Variants in SLC2A13 observed in about 807,000 individuals in gnomAD.
SLC2A13 encodes proton myo-inositol cotransporter.
In SLC2A13, 32 loss-of-function variants were observed where a neutral mutation model predicts 64.4. The observed-to-expected ratio is 0.50, with a 90% CI of 0.37 to 0.67. The LOEUF is 0.67. Among genes scored for constraint, SLC2A13 ranks in the 30% least tolerant of loss-of-function variants. SLC2A13 has a pLI of 0.00. For missense variants in SLC2A13, 743 were observed against 829.2 expected (o/e 0.90, Z 1.28); for synonymous variants, 338 against 327.1 (o/e 1.03, Z -0.36).
chr12:39,830,592 G>T, intron 6 of SLC2A13: 1 of 534,880 alleles, frequency 1.9e-6, no homozygotes, highest in Non-Finnish European at 2.4e-6. Context: ...AGCCCTGACT[G>T]GTTCCAAGTT....
chr12:39,891,379 T>C (rs1317634342), intron 4 of SLC2A13, among the ~76,000 whole-genome samples: 3 of 151,910 alleles, frequency 2.0e-5, no homozygotes, highest in Non-Finnish European at 4.4e-5. Context: ...ATTCCTATCC[T>C]TTCACAGAGG....
At chr12:39,984,683 T>G (rs1332484628) in intron 3 of SLC2A13, among the ~76,000 whole-genome samples, 2 of 152,248 alleles carry the variant, frequency 1.3e-5, no homozygotes, top group African/African-American at 4.8e-5. Context: ...TCTTTGATGA[T>G]GTTACTTAAA....
intron 4 of SLC2A13, among the ~76,000 whole-genome samples, chr12:39,926,000 T>A (rs940341556): frequency 6.6e-6 from 1 of 152,188 alleles, no homozygotes; most frequent in Non-Finnish European, 1.5e-5. Context: ...TGACAGATAG[T>A]AAAATAAAAA....
Position 39,756,109 on chromosome 12 carries a change from A to G in SLC2A13, c.*3917T>C, listed in dbSNP as rs1939963606. On this transcript the variant is annotated 3_prime_UTR_variant, in exon 10 of 10. Transcript: ENST00000280871. The stretch of plus-strand genomic sequence containing the variant: ...AACCATTTCATCAAATTGGCTTTAC[A>G]TTATTGTACATGAGGCCAAGAAGAT... The G allele has an allele frequency of 6.6e-6, 1 of 151,996 alleles. No individual in the cohort carries two copies. Among genetic ancestry groups the G allele is most frequent in the Admixed American group, 6.6e-5 (1 of 15,202 alleles). 9.4% of individuals were successfully genotyped at this position (151,996 alleles called of 1,614,324 possible). A position where few individuals can be genotyped will look rare whatever the true frequency, so the allele number is the denominator to read the frequency against.
intron 2 of SLC2A13, among the ~76,000 whole-genome samples, chr12:40,029,849 T>C (rs1947877457): frequency 6.6e-6 from 1 of 152,216 alleles, no homozygotes; most frequent in Admixed American, 6.5e-5. Context: ...CTTTAGGCCA[T>C]GGATTGTGAT....
chr12:39,830,541 T>C, intron 6 of SLC2A13: 1 of 1,015,526 alleles, frequency 9.8e-7, no homozygotes, highest in Non-Finnish European at 1.2e-6. Context: ...CCTAAACCAC[T>C]GAGATTTGTT....
At chr12:39,984,253 G>A (rs909652573) in intron 3 of SLC2A13, among the ~76,000 whole-genome samples, 7 of 151,632 alleles carry the variant, frequency 4.6e-5, no homozygotes, top group Admixed American at 3.9e-4. Context: ...TGGGTGCAGT[G>A]CACCAGCACA....
intron 3 of SLC2A13, among the ~76,000 whole-genome samples, chr12:40,014,124 T>C (rs1395826983): frequency 6.6e-6 from 1 of 152,188 alleles, no homozygotes; most frequent in Non-Finnish European, 1.5e-5. Flanking sequence ...GTACACCACA[T>C]TACTTTTAGT....
chr12:39,778,602 GTTA>G (rs1308552539), intron 7 of SLC2A13, among the ~76,000 whole-genome samples: 3 of 152,092 alleles, frequency 2.0e-5, no homozygotes, highest in African/African-American at 7.2e-5. Flanking sequence ...TCATTAAATA[GTTA>G]TTATTAACGT....
chr12:40,068,330 T>C (rs1046660623), intron 1 of SLC2A13: 1 of 410,754 alleles, frequency 2.4e-6, no homozygotes, highest in South Asian at 1.8e-5. Flanking sequence ...GTCTGTAGTA[T>C]TTTCCACATG....
rs372828277 is a variant in SLC2A13, at chr12:40,098,148, CAT to C, written c.556+7103_556+7104del. Among the ~76,000 whole-genome samples, 19 of 151,874 alleles carry C rather than the reference CAT, an allele frequency of 1.3e-4. No individual in the cohort carries two copies. The South Asian group carries it at 4.0e-3, about 32-fold the overall frequency. ...ATAGGTGTGTATATATATACACACA[CAT>C]ATACACAATGGAATATTATGCAGCC... On this transcript the variant is annotated intron_variant, in intron 1 of 9. Transcript: ENST00000280871.
At chr12:40,059,219 G>C (rs1409476697) in intron 1 of SLC2A13, among the ~76,000 whole-genome samples, 2 of 152,054 alleles carry the variant, frequency 1.3e-5, no homozygotes, top group Non-Finnish European at 2.9e-5. Context: ...CTTTTTATTA[G>C]ATTTTTACAA....
chr12:39,940,646 A>AT (rs113767773), intron 4 of SLC2A13, among the ~76,000 whole-genome samples: 16,095 of 151,334 alleles, frequency 0.11, 892 homozygotes, highest in East Asian at 0.2. Context: ...GATGGCTGTG[A>AT]TTTTTTTTTA....
intron 5 of SLC2A13, among the ~76,000 whole-genome samples, chr12:39,865,981 G>A (rs1265576228): frequency 6.6e-6 from 1 of 152,172 alleles, no homozygotes; most frequent in African/African-American, 2.4e-5. Context: ...TCTGAGATAT[G>A]TGTTAACTTA....
intron 7 of SLC2A13, among the ~76,000 whole-genome samples, chr12:39,792,939 G>T (rs914974049): frequency 1.3e-5 from 2 of 152,098 alleles, no homozygotes; most frequent in African/African-American, 4.8e-5. Context: ...GTGAACCAAA[G>T]TTATGAACTT....
chr12:39,841,339 G>A (rs1943171947), intron 6 of SLC2A13, among the ~76,000 whole-genome samples: 1 of 152,068 alleles, frequency 6.6e-6, no homozygotes. Context: ...TCCTTTTAAT[G>A]AATTATTGGG....
In SLC2A13 at chr12:40,105,584, G is replaced by A. The variant is rs760884647; in HGVS notation, c.225C>T (p.Asp75=). 5 of 1,553,554 alleles carry A rather than the reference G, an allele frequency of 3.2e-6. No individual in the cohort carries two copies. The Admixed American group carries it at 7.7e-5, about 24-fold the overall frequency. The change falls in exon 1 of 10, where the codon GAC becomes GAT. Residue 75 remains aspartate (D), a synonymous_variant. Coordinates refer to ENST00000280871, the MANE Select transcript of SLC2A13 (RefSeq NM_052885.4). The surrounding 1 kb of genome is among the most constrained non-coding windows in gnomAD (Gnocchi z 4.2). The stretch of plus-strand genomic sequence containing the variant: ...CCACGTACACGAAGGCGGGGGTCTC[G>A]TCCTGCTGGAACTGCCGCCGCGCCG... ...ERAARRQFQQ[D]ETPAFVYVVA...
intron 4 of SLC2A13, among the ~76,000 whole-genome samples, chr12:39,900,426 T>C (rs1244987460): frequency 6.6e-6 from 1 of 152,138 alleles, no homozygotes; most frequent in Non-Finnish European, 1.5e-5. Flanking sequence ...CATGATCGTA[T>C]ATCTAGAAAA....
chr12:39,941,964 G>T (rs554318243), intron 4 of SLC2A13, among the ~76,000 whole-genome samples: 2 of 152,134 alleles, frequency 1.3e-5, no homozygotes, highest in Non-Finnish European at 2.9e-5. Flanking sequence ...TGTTGAAAAG[G>T]ATGTCCTTTC....
Sources: gnomAD v4.1 joint callset for allele counts (sites outside exome capture counted in the v4.1 genomes callset) on GRCh38, gnomAD v4.1.1 for gene constraint, Gnocchi (gnomAD v3.1) non-coding constraint, MANE v1.5 for transcripts, NCBI Gene and HGNC (gene_info 2026-07-23, HGNC 2026-07-21) for gene names.